The following PROM2 variants were observed in gnomAD, a reference collection of about 807,000 sequenced individuals.
PROM2 encodes prominin 2.
In PROM2, 90 loss-of-function variants were observed where a neutral mutation model predicts 110.2. The ratio of observed to expected loss-of-function variants is 0.82; its 90% confidence interval spans 0.69 to 0.97. The LOEUF (loss-of-function observed/expected upper bound fraction) is 0.97, where lower values mean the gene tolerates loss of function less well. PROM2 is among the 50% of genes least tolerant of loss of function. The pLI is 0.00. For missense variants in PROM2, 1,009 were observed against 1,074.8 expected (o/e 0.94, Z 0.86); for synonymous variants, 470 against 467.8 (o/e 1.00, Z -0.06).
rs2104572210 is a variant in PROM2 at position 95,276,512 on chromosome 2, G to T, written c.619-82G>T. 6.2e-7 allele frequency: 1 copy of T among 1,605,634 alleles called. No individual in the cohort carries two copies. The highest frequency in any genetic ancestry group is 1.7e-5 in the Admixed American group (1 of 59,964). On this transcript the variant is annotated intron_variant, in intron 4 of 23. Coordinates refer to ENST00000317620, the MANE Select transcript of PROM2 (RefSeq NM_001165978.3). The surrounding 1 kb of genome is among the most constrained non-coding windows in gnomAD (Gnocchi z 4.6). The stretch of plus-strand genomic sequence containing the variant: ...CACCCTCAGGGTGGATGCCATAGGG[G>T]CAGGGAAGGGGCCAGGGAGAGAAGG...
At position 95,276,290 on chromosome 2, in the gene PROM2, C is replaced by T. The variant is rs200767057; in HGVS notation, c.561C>T (p.Ile187=). 3.5e-4 allele frequency: 565 copies of T among 1,613,718 alleles called. No individual in the cohort carries two copies. The highest frequency in any genetic ancestry group is 4.5e-4 in the Non-Finnish European group (536 of 1,180,036). The change falls in exon 4 of 24, where the codon ATC becomes ATT. Residue 187 remains isoleucine, a synonymous_variant. Coordinates refer to ENST00000317620, the MANE Select transcript of PROM2 (RefSeq NM_001165978.3). The surrounding 1 kb of genome is among the most constrained non-coding windows in gnomAD (Gnocchi z 4.6). ...QRTHEQMGPS[I]EAMPETLLSL... ...CGCATGAACAGATGGGCCCCAGCAT[C>T]GAGGCCATGCCTGAGACCCTGCTCA...
At chr2:95,287,562 G>T (rs1677446967) in intron 20 of PROM2, 98 bp downstream of exon 20, 14 of 1,255,810 alleles carry the variant, frequency 1.1e-5, no homozygotes, top group Non-Finnish European at 1.5e-5. Flanking sequence ...CCCCTTGGGG[G>T]TGACCCAGGC....
At chr2:95,281,150 G>A in intron 11 of PROM2, 92 bp from the exon 12 acceptor site, 1 of 1,523,558 alleles carries the variant, frequency 6.6e-7, no homozygotes, top group Admixed American at 1.9e-5. Context: ...AACTGGCTGA[G>A]CAGGCTGGCC....
At chr2:95,277,786 C>G (rs1676763162) in intron 7 of PROM2, 144 bp from the exon 8 acceptor site, 2 of 810,180 alleles carry the variant, frequency 2.5e-6, no homozygotes, top group Non-Finnish European at 4.0e-6. Flanking sequence ...TTGCTGCCAC[C>G]AGGGGCAGTA....
In PROM2 at chr2:95,282,169, G is replaced by A; in HGVS notation, c.1671G>A (p.Trp557Ter). 1 of 1,613,986 alleles carries A rather than the reference G, an allele frequency of 6.2e-7. No homozygotes were observed. Among genetic ancestry groups the A allele is most frequent in the Non-Finnish European group, 8.5e-7 (1 of 1,179,990 alleles). The part of the protein sequence containing the change: ...YQQCKEGAAL[W>*]TVLQLNDSYD... Reference sequence around the variant, plus strand: ...AGTGCAAGGAAGGGGCAGCGCTCTGGACAGTCCTGCAGCTCAACGACTCCT... The same window carrying A: ...AGTGCAAGGAAGGGGCAGCGCTCTGAACAGTCCTGCAGCTCAACGACTCCT... Residue 557 changes from tryptophan (W) to a stop codon, truncating the protein, a stop_gained, in exon 14 of 24, where the codon TGG becomes TGA. Transcript: ENST00000317620. LOFTEE classifies it high-confidence loss of function.
chr2:95,284,860 G>A, intron 14 of PROM2, 109 bp from the exon 15 acceptor site: 1 of 1,257,266 alleles, frequency 8.0e-7, no homozygotes, highest in Non-Finnish European at 1.1e-6. Context: ...ATTTGGAGGG[G>A]ACAAATATCC....
chr2:95,284,612 A>T (rs1202210875), intron 14 of PROM2, among the ~76,000 whole-genome samples: 1 of 152,240 alleles, frequency 6.6e-6, no homozygotes, highest in African/African-American at 2.4e-5. Flanking sequence ...AGGCCTCAGG[A>T]AGCTTCCACT....
intron 7 of PROM2, 107 bp from the exon 8 acceptor site, chr2:95,277,823 C>T: frequency 1.0e-6 from 1 of 972,394 alleles, no homozygotes; most frequent in South Asian, 1.4e-5. Context: ...TCATTTTACA[C>T]TTGAGGACAT....
In PROM2 at chr2:95,288,976, G is replaced by A. The variant is rs138759055; in HGVS notation, c.2485G>A (p.Val829Ile). 1.5e-4 allele frequency: 250 copies of A among 1,613,776 alleles called. No homozygotes were observed. In the African/African-American group the frequency reaches 3.0e-3, roughly 19 times the overall value. ...EETQLFHIPR[V>I]TSLKL is the part of the protein sequence containing the mutation. ...GACTCAGCTCTTCCACATCCCCCGG[G>A]TTACCTCCCTGAAGCTGTAGGGCCT... The change falls in exon 23 of 24, where the codon GTT (valine) becomes ATT (isoleucine). Residue 829 changes from valine (V) to isoleucine (I), a missense_variant. Coordinates refer to ENST00000317620, the MANE Select transcript of PROM2 (RefSeq NM_001165978.3).
chr2:95,276,161 G>A lies in PROM2; in HGVS notation c.497+29G>A. 1 of 1,611,980 alleles carries A rather than the reference G, an allele frequency of 6.2e-7. No individual in the cohort carries two copies. On this transcript the variant is annotated intron_variant, in intron 3 of 23. Coordinates refer to ENST00000317620, the MANE Select transcript of PROM2 (RefSeq NM_001165978.3). The surrounding 1 kb of genome is among the most constrained non-coding windows in gnomAD (Gnocchi z 4.6). ...AGGCGCTGCCCAGGGCCCGGGTAGG[G>A]CGGGCTGTGGCCCCCAGGCTCCCTC... is the stretch of plus-strand genomic sequence containing the variant.
rs768139355 is a variant in PROM2 at position 95,288,199 on chromosome 2, T to TGA, written c.2245-12_2245-11insGA. 4.3e-6 allele frequency: 7 copies of TGA among 1,612,828 alleles called. No individual in the cohort carries two copies. The African/African-American group carries it at 5.3e-5, about 12-fold the overall frequency. On this transcript the variant is annotated splice_polypyrimidine_tract_variant and intron_variant, in intron 20 of 23. Coordinates refer to ENST00000317620, the MANE Select transcript of PROM2 (RefSeq NM_001165978.3). ...GTGTCTCTGCATCACCTGCCTCATG[T>TGA]TGGCGCCACAGGTGACTCAGCGCAT...
chr2:95,278,917 C>T, intron 9 of PROM2, 68 bp from the exon 10 acceptor site: 6 of 1,600,224 alleles, frequency 3.7e-6, no homozygotes, highest in South Asian at 1.1e-5. Context: ...GTTCTTCCTG[C>T]CCGCTTGTCT....
At chr2:95,288,446 A>G in intron 21 of PROM2, 37 bp from the exon 22 acceptor site, 1 of 1,603,242 alleles carries the variant, frequency 6.2e-7, no homozygotes, top group Non-Finnish European at 8.5e-7. Context: ...GCTGGGTGCC[A>G]CGTGGGTTGG....
rs1366601002 is a variant in PROM2 at position 95,279,130 on chromosome 2, A to G, written c.1260A>G (p.Arg420=). The G allele has an allele frequency of 3.8e-6, 5 of 1,312,182 alleles. No homozygotes were observed. The highest frequency in any genetic ancestry group is 5.0e-6 in the Non-Finnish European group (5 of 1,005,794). The allele number at this position is 1,312,182 out of a possible 1,614,324, so 81.3% of individuals were successfully genotyped here. The change falls in exon 10 of 24, where the codon AGA becomes AGG. Residue 420 remains arginine, a synonymous_variant. Transcript: ENST00000317620. ...GCCCCTACCTGCAGGAGGTGCAGAG[A>G]TACGAGACCTACAGGTGCTGGGCAC... ...SSRPYLQEVQ[R]YETYRWIVGC...
chr2:95,280,093 C>A, intron 11 of PROM2, 96 bp downstream of exon 11: 1 of 1,190,206 alleles, frequency 8.4e-7, no homozygotes, highest in Non-Finnish European at 1.1e-6. Context: ...CTGCCAGTGT[C>A]AGTGTCATCA....
intron 22 of PROM2, 41 bp from the exon 23 acceptor site, chr2:95,288,892 G>T (rs779755426): frequency 4.4e-6 from 7 of 1,588,012 alleles, no homozygotes; most frequent in South Asian, 1.1e-5. Context: ...CTGAGGGTCT[G>T]GGGGGAAGGG....
chr2:95,284,736 C>T (rs1677243899), intron 14 of PROM2, among the ~76,000 whole-genome samples: 1 of 152,208 alleles, frequency 6.6e-6, no homozygotes, highest in Admixed American at 6.5e-5. Context: ...GCAAAACTCA[C>T]TCATCACATG....
Position 95,288,973 on chromosome 2 carries a change from C to CG in PROM2, c.2485dup (p.Val829GlyfsTer14). Reference sequence around the variant, plus strand: ...GGAGACTCAGCTCTTCCACATCCCCCGGGTTACCTCCCTGAAGCTGTAGGG... The same window carrying CG: ...GGAGACTCAGCTCTTCCACATCCCCCGGGGTTACCTCCCTGAAGCTGTAGGG... On this transcript the variant is annotated frameshift_variant, in exon 23 of 24. Transcript: ENST00000317620. LOFTEE classifies it high-confidence loss of function. The CG allele has an allele frequency of 6.2e-7, 1 of 1,609,058 alleles. No individual in the cohort carries two copies. Among genetic ancestry groups the CG allele is most frequent in the Non-Finnish European group, 8.5e-7 (1 of 1,177,030 alleles).
chr2:95,282,271 C>T (rs1677096615), intron 14 of PROM2, 45 bp downstream of exon 14: 3 of 1,485,604 alleles, frequency 2.0e-6, no homozygotes, highest in East Asian at 2.3e-5. Flanking sequence ...CCTCAGATCC[C>T]CCTCCTCTGG....
Sources: allele counts gnomAD v4.1 joint callset (sites outside exome capture counted in the v4.1 genomes callset), GRCh38; gene constraint gnomAD v4.1.1; non-coding constraint Gnocchi (gnomAD v3.1); transcripts MANE v1.5; gene names NCBI Gene and HGNC (gene_info 2026-07-23, HGNC 2026-07-21).